Variants in UBE2Q2 observed in about 807,000 individuals in gnomAD.
UBE2Q2 encodes ubiquitin conjugating enzyme E2 Q2.
A neutral mutation model predicts 59.9 loss-of-function variants in UBE2Q2; 54 were observed. The ratio of observed to expected loss-of-function variants is 0.90; its 90% CI spans 0.72 to 1.13. UBE2Q2 has a LOEUF of 1.13. UBE2Q2 is among the 50% of genes most tolerant of loss of function. The pLI is 0.00. For synonymous variants in UBE2Q2, 165 were observed against 155.2 expected (o/e 1.06, Z -0.47); for missense variants, 433 against 441.9 (o/e 0.98, Z 0.18).
intron 4 of UBE2Q2, among the ~76,000 whole-genome samples, chr15:75,870,026 A>C (rs1897700623): frequency 6.6e-6 from 1 of 152,100 alleles, no homozygotes; most frequent in Admixed American, 6.5e-5. Flanking sequence ...TTTAATCTAA[A>C]ATGTGCTTTT....
chr15:75,873,227 T>C (rs955867208), intron 4 of UBE2Q2, among the ~76,000 whole-genome samples: 6 of 152,216 alleles, frequency 3.9e-5, no homozygotes, highest in African/African-American at 1.4e-4. Context: ...ACCCAGAGTC[T>C]AGATTTTAAA....
rs189641636 is a variant in UBE2Q2 at position 75,876,761 on chromosome 15, A to G, written c.673+490A>G. Among the ~76,000 whole-genome samples, 88 of 152,374 alleles carry G rather than the reference A, an allele frequency of 5.8e-4. 1 individual carries two copies. The highest frequency in any genetic ancestry group is 1.9e-3 in the African/African-American group (81 of 41,592). On this transcript the variant is annotated intron_variant, in intron 6 of 12. Transcript: ENST00000267938. ...CTTGTTTGACGAGTATTCTTACTCA[A>G]TATGACTTGAATGTTATGGAACCTC...
At chr15:75,859,351 C>T (rs1238819667) in intron 2 of UBE2Q2, among the ~76,000 whole-genome samples, 1 of 152,032 alleles carries the variant, frequency 6.6e-6, no homozygotes, top group Non-Finnish European at 1.5e-5. Context: ...GACTCATACT[C>T]AGGGAATTAG....
chr15:75,890,850 T>A (rs62028936), intron 10 of UBE2Q2, 69 bp from the exon 11 acceptor site: 377,465 of 1,353,894 alleles, frequency 0.28, 56,738 homozygotes, highest in Non-Finnish European at 0.31. Context: ...TATATACCAT[T>A]TTGTTAGGCC....
rs570696323 is a variant in UBE2Q2, at chr15:75,877,588, A to G, written c.674-373A>G. ...ATAGGTTTATGTATACTAACTTGGA[A>G]AGATGTCCCTGAAAGTTGAAGAGAG... On this transcript the variant is annotated intron_variant, in intron 6 of 12. Transcript: ENST00000267938. Among the ~76,000 whole-genome samples the G allele has an allele frequency of 2.2e-4, 34 of 152,328 alleles. No homozygotes were observed. The South Asian group carries it at 6.8e-3, about 31-fold the overall frequency.
At position 75,873,421 on chromosome 15, in the gene UBE2Q2, T is replaced by G; in HGVS notation, c.448-7T>G. Reference sequence around the variant, plus strand: ...TGAATAAGCTAACATTTTTCGTCTCTTTGTAGGATATAGAAGACTTAGATC... The same window carrying G: ...TGAATAAGCTAACATTTTTCGTCTCGTTGTAGGATATAGAAGACTTAGATC... On this transcript the variant is annotated splice_region_variant and splice_polypyrimidine_tract_variant and intron_variant, in intron 4 of 12. Transcript: ENST00000267938. 6.3e-7 allele frequency: 1 copy of G among 1,587,930 alleles called. No homozygotes were observed. The highest frequency in any genetic ancestry group is 1.2e-5 in the South Asian group (1 of 85,626).
chr15:75,873,361 A>G (rs1897895559), intron 4 of UBE2Q2, 67 bp from the exon 5 acceptor site: 1 of 1,453,438 alleles, frequency 6.9e-7, no homozygotes, highest in Non-Finnish European at 9.3e-7. Context: ...ATTTAATGTT[A>G]TTTTGGCATA....
At position 75,890,431 on chromosome 15, in the gene UBE2Q2, T is replaced by A. The variant is rs1567041845; in HGVS notation, c.885-4T>A. The A allele has an allele frequency of 6.9e-6, 11 of 1,589,916 alleles. No individual in the cohort carries two copies. Among genetic ancestry groups the A allele is most frequent in the African/African-American group, 1.4e-5 (1 of 73,464 alleles). On this transcript the variant is annotated splice_region_variant and splice_polypyrimidine_tract_variant and intron_variant, in intron 9 of 12. Coordinates refer to ENST00000267938, the MANE Select transcript of UBE2Q2 (RefSeq NM_173469.4). ...TTTTGTATGACTCCTTTTTTCTTTT[T>A]AAGGTATGTATTGGGTGGAGGAGCA...
intron 12 of UBE2Q2, among the ~76,000 whole-genome samples, chr15:75,898,392 A>T (rs1156632604): frequency 6.6e-6 from 1 of 152,020 alleles, no homozygotes; most frequent in Non-Finnish European, 1.5e-5. Flanking sequence ...TTGTTATTTT[A>T]AAAAAATAGA....
chr15:75,846,455 C>T (rs1038409241), intron 1 of UBE2Q2, among the ~76,000 whole-genome samples: 16 of 152,064 alleles, frequency 1.1e-4, no homozygotes, highest in Non-Finnish European at 1.5e-4. Flanking sequence ...CCAGGCTGGT[C>T]TTGAACTCCA....
chr15:75,849,271 C>A (rs565340655), intron 1 of UBE2Q2, among the ~76,000 whole-genome samples: 1 of 152,162 alleles, frequency 6.6e-6, no homozygotes, highest in Non-Finnish European at 1.5e-5. Flanking sequence ...GAACAGCAAA[C>A]TATGAAAGTA....
chr15:75,861,314 A>T (rs1461472264), intron 3 of UBE2Q2, among the ~76,000 whole-genome samples: 1 of 152,220 alleles, frequency 6.6e-6, no homozygotes, highest in Non-Finnish European at 1.5e-5. Context: ...GTTGTCTTCT[A>T]ACCAGTCGTG....
At chr15:75,869,958 A>AT (rs1043147340) in intron 4 of UBE2Q2, among the ~76,000 whole-genome samples, 2 of 151,352 alleles carry the variant, frequency 1.3e-5, no homozygotes, top group Non-Finnish European at 2.9e-5. Flanking sequence ...TTAAAAAAAA[A>AT]TTTTTTTTTC....
At chr15:75,860,261 A>G (rs768981782) in intron 3 of UBE2Q2, among the ~76,000 whole-genome samples, 5 of 152,038 alleles carry the variant, frequency 3.3e-5, no homozygotes, top group Non-Finnish European at 7.4e-5. Context: ...TGCTTCTTTC[A>G]TAGTTTGTCT....
Position 75,843,604 on chromosome 15 carries a change from G to C in UBE2Q2, c.-63G>C. 6.9e-7 allele frequency: 1 copy of C among 1,452,878 alleles called. No homozygotes were observed. Among genetic ancestry groups the C allele is most frequent in the Non-Finnish European group, 9.2e-7 (1 of 1,088,468 alleles). 90.0% of individuals were successfully genotyped at this position (1,452,878 alleles called of 1,614,324 possible). On this transcript the variant is annotated 5_prime_UTR_variant, in exon 1 of 13. Coordinates refer to ENST00000267938, the MANE Select transcript of UBE2Q2 (RefSeq NM_173469.4). ...GTCGCGGCCGTGACGGCGGCTCCGG[G>C]CCCGGCTCCCCTTCCGCGCCCGGCT... is the stretch of plus-strand genomic sequence containing the variant.
chr15:75,855,563 T>C (rs1896860531), intron 2 of UBE2Q2, among the ~76,000 whole-genome samples: 1 of 152,174 alleles, frequency 6.6e-6, no homozygotes, highest in Non-Finnish European at 1.5e-5. Flanking sequence ...CATCATTATT[T>C]TCAGCTGACA....
intron 6 of UBE2Q2, among the ~76,000 whole-genome samples, chr15:75,876,954 C>G (rs1358878454): frequency 6.6e-6 from 1 of 152,024 alleles, no homozygotes; most frequent in African/African-American, 2.4e-5. Flanking sequence ...GTCAAGAGTT[C>G]AAGACCAGCC....
intron 2 of UBE2Q2, among the ~76,000 whole-genome samples, chr15:75,857,972 G>T (rs895712286): frequency 3.9e-5 from 6 of 152,098 alleles, no homozygotes; most frequent in African/African-American, 1.4e-4. Flanking sequence ...ATTGGCTTCT[G>T]TGTCAGGCTC....
At chr15:75,871,711 G>A (rs540280098) in intron 4 of UBE2Q2, among the ~76,000 whole-genome samples, 2 of 152,198 alleles carry the variant, frequency 1.3e-5, no homozygotes, top group Non-Finnish European at 2.9e-5. Flanking sequence ...AAGATTAACA[G>A]AATCTCAAGG....
Sources: allele counts gnomAD v4.1 joint callset (sites outside exome capture counted in the v4.1 genomes callset), GRCh38; gene constraint gnomAD v4.1.1; transcripts MANE v1.5; gene names NCBI Gene and HGNC (gene_info 2026-07-23, HGNC 2026-07-21).